FNBP1: variants seen among roughly 807,000 people sequenced by gnomAD.
FNBP1 encodes formin-binding protein 1.
In FNBP1, 26 loss-of-function variants were observed where a neutral mutation model predicts 90.6. The observed-to-expected ratio is 0.29, with a 90% confidence interval of 0.21 to 0.40. The LOEUF is 0.40. FNBP1 is among the 10% of genes least tolerant of loss of function. The pLI, the probability that FNBP1 is intolerant of heterozygous loss-of-function variation, is 1.00. For missense variants in FNBP1, 635 were observed against 768.0 expected, an observed-to-expected ratio of 0.83 and a Z score of 2.05; for synonymous variants, 260 against 265.2, an observed-to-expected ratio of 0.98 and a Z score of 0.19.
the FNBP1 span, among the ~76,000 whole-genome samples, chr9:130,051,708 A>T: frequency 3.3e-5 from 5 of 152,136 alleles, no homozygotes; most frequent in Admixed American, 3.3e-4. Context: ...CCAGCTAGGG[A>T]GGCTGAGGCA....
intron 12 of FNBP1, among the ~76,000 whole-genome samples, chr9:129,906,075 G>T (rs1311277224): frequency 1.3e-5 from 2 of 151,776 alleles, no homozygotes; most frequent in African/African-American, 4.8e-5. Flanking sequence ...TAGAGATGGG[G>T]TTTCTTCATG....
chr9:129,919,289 C>T, intron 10 of FNBP1: 2 of 996,442 alleles, frequency 2.0e-6, no homozygotes, highest in East Asian at 5.6e-5. Flanking sequence ...TAAAATTAAC[C>T]ATAAGACTTT....
At chr9:129,903,567 C>G (rs1385376664) in intron 12 of FNBP1, among the ~76,000 whole-genome samples, 1 of 152,114 alleles carries the variant, frequency 6.6e-6, no homozygotes, top group East Asian at 1.9e-4. Context: ...TCCCCAATAA[C>G]TGAGAAGCAT....
At chr9:129,995,804 G>C (rs1215054935) in intron 1 of FNBP1, among the ~76,000 whole-genome samples, 1 of 152,120 alleles carries the variant, frequency 6.6e-6, no homozygotes, top group Non-Finnish European at 1.5e-5. Flanking sequence ...AAGTGGAGTT[G>C]GCGAGTGATG....
chr9:129,925,748 CA>C (rs982273355), intron 8 of FNBP1, among the ~76,000 whole-genome samples: 3 of 150,602 alleles, frequency 2.0e-5, no homozygotes, highest in African/African-American at 7.3e-5. Context: ...CATGTGCCAT[CA>C]TGCCTAGCTA....
chr9:130,023,054 C>T (rs2058000624), intron 1 of FNBP1, among the ~76,000 whole-genome samples: 1 of 151,770 alleles, frequency 6.6e-6, no homozygotes, highest in African/African-American at 2.4e-5. Context: ...GAAAAGAAAC[C>T]CCCACCAAGA....
chr9:129,940,470 T>C (rs2044158795), intron 6 of FNBP1, among the ~76,000 whole-genome samples: 1 of 152,048 alleles, frequency 6.6e-6, no homozygotes, highest in South Asian at 2.1e-4. Context: ...ATATGTAATA[T>C]ATAGGAAATG....
chr9:129,944,035 C>T (rs1408502393), intron 6 of FNBP1, among the ~76,000 whole-genome samples: 1 of 143,680 alleles, frequency 7.0e-6, no homozygotes, highest in East Asian at 2.1e-4. Flanking sequence ...ATGATCTTCA[C>T]ACAAGTTGGC....
rs952606383 is a variant in FNBP1 at position 130,006,271 on chromosome 9, C to T, written c.25-11313G>A. On this transcript the variant is annotated intron_variant, in intron 1 of 16. Coordinates refer to ENST00000446176, the MANE Select transcript of FNBP1 (RefSeq NM_015033.3). ...CAGCCTGGCCAATATGGTGAAACCC[C>T]GTCTCTACTAAAAATACAAAAAAAT... Among the ~76,000 whole-genome samples, 6 of 151,940 alleles carry T rather than the reference C, an allele frequency of 3.9e-5. No individual in the cohort carries two copies. In the South Asian group the frequency reaches 1.0e-3, roughly 26 times the overall value.
At chr9:129,986,995 A>G (rs1375301159) in intron 2 of FNBP1, among the ~76,000 whole-genome samples, 1 of 151,968 alleles carries the variant, frequency 6.6e-6, no homozygotes, top group Admixed American at 6.6e-5. Context: ...AGGATGATCA[A>G]CTCCAAGGCA....
intron 4 of FNBP1, among the ~76,000 whole-genome samples, chr9:129,969,066 T>A (rs1384051943): frequency 1.3e-5 from 2 of 152,226 alleles, no homozygotes; most frequent in Non-Finnish European, 2.9e-5. Flanking sequence ...TTTTCTTCAA[T>A]AACTTGACTC....
At chr9:129,981,395 A>G (rs2051243153) in intron 2 of FNBP1, among the ~76,000 whole-genome samples, 1 of 152,182 alleles carries the variant, frequency 6.6e-6, no homozygotes, top group Non-Finnish European at 1.5e-5. Flanking sequence ...CATGCTGAGC[A>G]GTAATCCACA....
intron 1 of FNBP1, among the ~76,000 whole-genome samples, chr9:130,024,988 T>C (rs1009101619): frequency 6.6e-6 from 1 of 152,246 alleles, no homozygotes; most frequent in East Asian, 1.9e-4. Flanking sequence ...GAGACCAGCC[T>C]GGCCAACATA....
At position 129,955,874 on chromosome 9, in the gene FNBP1, A is replaced by T. The variant is rs985116009; in HGVS notation, c.513+1486T>A. Among the ~76,000 whole-genome samples the T allele has an allele frequency of 7.4e-4, 112 of 151,302 alleles. 2 individuals are homozygous for T. The highest frequency in any genetic ancestry group is 7.4e-5 in the Non-Finnish European group (5 of 67,754). ...ACACACACACACACATATATGAATG[A>T]TACATACACTGATTTGCCTCATTCA... is the stretch of plus-strand genomic sequence containing the variant. On this transcript the variant is annotated intron_variant, in intron 6 of 16. Coordinates refer to ENST00000446176, the MANE Select transcript of FNBP1 (RefSeq NM_015033.3).
chr9:129,980,081 C>A (rs1265460858), intron 2 of FNBP1, among the ~76,000 whole-genome samples: 1 of 151,238 alleles, frequency 6.6e-6, no homozygotes, highest in African/African-American at 2.4e-5. Flanking sequence ...AGAGTGCCGG[C>A]CGGGCACAGT....
intron 1 of FNBP1, among the ~76,000 whole-genome samples, chr9:130,028,645 G>A (rs916666134): frequency 6.6e-6 from 1 of 152,066 alleles, no homozygotes; most frequent in East Asian, 1.9e-4. Context: ...TCTAAAACAC[G>A]GTTCACACAA....
intron 12 of FNBP1, among the ~76,000 whole-genome samples, chr9:129,905,785 T>C (rs565298422): frequency 6.6e-6 from 1 of 152,340 alleles, no homozygotes; most frequent in Non-Finnish European, 1.5e-5. Flanking sequence ...AAACTATATA[T>C]AGAATGTATG....
At position 130,042,431 on chromosome 9, in the gene FNBP1, G is replaced by A. The variant is rs1473012504; in HGVS notation, c.24+521C>T. ...CCTCCAGAGCGAAGACCGCACTCTC[G>A]CCCCAGCACCCCAAAACCCGACCCC... On this transcript the variant is annotated intron_variant, in intron 1 of 16. Coordinates refer to ENST00000446176, the MANE Select transcript of FNBP1 (RefSeq NM_015033.3). The surrounding 1 kb of genome is among the most constrained non-coding windows in gnomAD (Gnocchi z 5.5). Among the ~76,000 whole-genome samples, 1 of 151,928 alleles carries A rather than the reference G, an allele frequency of 6.6e-6. No homozygotes were observed. Among genetic ancestry groups the A allele is most frequent in the African/African-American group, 2.4e-5 (1 of 41,384 alleles).
intron 11 of FNBP1, among the ~76,000 whole-genome samples, chr9:129,911,000 G>A (rs776353705): frequency 1.1e-4 from 16 of 152,180 alleles, no homozygotes; most frequent in African/African-American, 2.7e-4. Flanking sequence ...CTTGTTTTCC[G>A]TATACTATGG....
Sources: allele counts gnomAD v4.1 joint callset (sites outside exome capture counted in the v4.1 genomes callset), GRCh38; gene constraint gnomAD v4.1.1; non-coding constraint Gnocchi (gnomAD v3.1); transcripts MANE v1.5; gene names NCBI Gene and HGNC (gene_info 2026-07-23, HGNC 2026-07-21).